MACROD2: variants seen among roughly 807,000 people sequenced by gnomAD.
MACROD2 encodes ADP-ribose glycohydrolase MACROD2.
Under a neutral mutation model 70.4 loss-of-function variants are expected in MACROD2, and 36 were observed. The observed-to-expected ratio is 0.51, with a 90% confidence interval of 0.39 to 0.68. The LOEUF is 0.68. MACROD2 is among the 30% of genes least tolerant of loss of function. The pLI, the probability that MACROD2 is intolerant of heterozygous loss-of-function variation, is 0.00. For synonymous variants in MACROD2, 172 were observed against 178.8 expected (o/e 0.96, Z 0.30); for missense variants, 496 against 538.4 (o/e 0.92, Z 0.78).
rs150409664 is a variant in MACROD2 at position 14,948,794 on chromosome 20, T to A, written c.418+263835T>A. On this transcript the variant is annotated intron_variant, in intron 5 of 17. Coordinates refer to ENST00000684519, the MANE Select transcript of MACROD2 (RefSeq NM_001351661.2). ...CAAAGGCTATGTCAAGTGCCTAGCC[T>A]AATACAGGACTTTCGCTAAGTAACA... Among the ~76,000 whole-genome samples, 51 of 152,324 alleles carry A rather than the reference T, an allele frequency of 3.3e-4. 1 individual carries two copies. The South Asian group carries it at 6.8e-3, about 20-fold the overall frequency.
intron 5 of MACROD2, among the ~76,000 whole-genome samples, chr20:14,838,988 G>A (rs892266804): frequency 3.9e-5 from 6 of 152,070 alleles, no homozygotes; most frequent in African/African-American, 1.4e-4. Context: ...GCCATATGCT[G>A]TGGGTCAGGA....
chr20:15,347,232 T>C (rs1266384900), intron 6 of MACROD2, among the ~76,000 whole-genome samples: 1 of 152,214 alleles, frequency 6.6e-6, no homozygotes, highest in African/African-American at 2.4e-5. Flanking sequence ...TTGTCCAAGA[T>C]CTTTAATGAC....
intron 8 of MACROD2, among the ~76,000 whole-genome samples, chr20:15,739,203 G>A (rs2051068524): frequency 6.6e-6 from 1 of 152,124 alleles, no homozygotes; most frequent in Non-Finnish European, 1.5e-5. Context: ...AGAAGGAGTG[G>A]ATTTGTCTGT....
intron 4 of MACROD2, among the ~76,000 whole-genome samples, chr20:14,558,025 G>T (rs6135179): frequency 0.11 from 16,343 of 151,708 alleles, 1,279 homozygotes; most frequent in South Asian, 0.34. Context: ...ATGGAAAATT[G>T]TTCATGCTTA....
intron 12 of MACROD2, among the ~76,000 whole-genome samples, chr20:15,949,309 T>C (rs931459062): frequency 5.3e-5 from 8 of 152,182 alleles, no homozygotes; most frequent in Non-Finnish European, 1.0e-4. Flanking sequence ...TGTTATTACA[T>C]TTATTTGCTG....
At chr20:14,099,659 T>G (rs563916620) in intron 3 of MACROD2, among the ~76,000 whole-genome samples, 189 of 152,264 alleles carry the variant, frequency 1.2e-3, no homozygotes, top group African/African-American at 4.4e-3. Flanking sequence ...TGTGTGGTAT[T>G]TTTGTAAATA....
chr20:14,500,087 G>C (rs1325373203), intron 4 of MACROD2, among the ~76,000 whole-genome samples: 2 of 152,196 alleles, frequency 1.3e-5, no homozygotes, highest in African/African-American at 2.4e-5. Flanking sequence ...TTTTCAGGAA[G>C]CAGAAGGTCA....
intron 4 of MACROD2, among the ~76,000 whole-genome samples, chr20:14,569,670 G>T (rs1402369972): frequency 6.6e-6 from 1 of 151,762 alleles, no homozygotes; most frequent in Non-Finnish European, 1.5e-5. Context: ...AAAGTAAAAT[G>T]GAGTTAGGTT....
At chr20:15,975,994 A>G (rs901077068) in intron 13 of MACROD2, among the ~76,000 whole-genome samples, 2 of 152,226 alleles carry the variant, frequency 1.3e-5, no homozygotes, top group African/African-American at 2.4e-5. Flanking sequence ...AGCAGCAATC[A>G]ACTTTCAAGT....
At chr20:15,993,462 GT>G (rs2066586764) in intron 15 of MACROD2, among the ~76,000 whole-genome samples, 1 of 151,886 alleles carries the variant, frequency 6.6e-6, no homozygotes, top group African/African-American at 2.4e-5. Context: ...TGCTGTATGG[GT>G]TTATAACCTA....
chr20:15,694,278 A>G (rs761636474), intron 8 of MACROD2, among the ~76,000 whole-genome samples: 4 of 152,108 alleles, frequency 2.6e-5, no homozygotes, highest in Non-Finnish European at 4.4e-5. Flanking sequence ...TTAGTTCTTT[A>G]AGGAATCTCC....
chr20:15,649,376 T>C lies in MACROD2; in HGVS notation c.645+149529T>C, dbSNP rs184238252. On this transcript the variant is annotated intron_variant, in intron 8 of 17. Coordinates refer to ENST00000684519, the MANE Select transcript of MACROD2 (RefSeq NM_001351661.2). ...TACAAAGGTATGGCTGAGCAGTCAG[T>C]TGGTAAGTTTAAAATTTCAAGAGCG... Among the ~76,000 whole-genome samples the C allele has an allele frequency of 4.1e-3, 623 of 151,816 alleles. 2 individuals are homozygous for C. The highest frequency in any genetic ancestry group is 6.2e-3 in the Non-Finnish European group (419 of 67,942).
chr20:14,549,184 C>CA (rs1160894958), intron 4 of MACROD2, among the ~76,000 whole-genome samples: 1 of 152,170 alleles, frequency 6.6e-6, no homozygotes, highest in Non-Finnish European at 1.5e-5. Context: ...AAACCACACT[C>CA]AATTTATTGG....
rs145745271 is a variant in MACROD2, at chr20:14,995,974, G to A, written c.419-233966G>A. Among the ~76,000 whole-genome samples, 10 of 152,238 alleles carry A rather than the reference G, an allele frequency of 6.6e-5. No individual in the cohort carries two copies. In the East Asian group the frequency reaches 7.7e-4, roughly 12 times the overall value. ...ATAAAGGTAAGATAAAAATTTCTGC[G>A]CTGGAAAACAAACACATAATAGAGA... On this transcript the variant is annotated intron_variant, in intron 5 of 17. Transcript: ENST00000684519.
chr20:15,486,981 C>A (rs1600482774), intron 7 of MACROD2, among the ~76,000 whole-genome samples: 1 of 152,186 alleles, frequency 6.6e-6, no homozygotes, highest in Admixed American at 6.5e-5. Flanking sequence ...CCAAGCTGGA[C>A]TCTTGGCTTC....
chr20:15,057,401 C>T (rs892830420), intron 5 of MACROD2, among the ~76,000 whole-genome samples: 1 of 152,126 alleles, frequency 6.6e-6, no homozygotes, highest in Non-Finnish European at 1.5e-5. Flanking sequence ...GCTGTCCTCC[C>T]TGTGGTCATC....
intron 5 of MACROD2, among the ~76,000 whole-genome samples, chr20:15,090,036 G>A (rs1420381867): frequency 5.9e-5 from 9 of 152,106 alleles, no homozygotes; most frequent in African/African-American, 2.2e-4. Flanking sequence ...AGATCAGTGT[G>A]TGCTGAGATG....
At chr20:14,546,613 T>A (rs1417350220) in intron 4 of MACROD2, among the ~76,000 whole-genome samples, 3 of 152,164 alleles carry the variant, frequency 2.0e-5, no homozygotes, top group Non-Finnish European at 4.4e-5. Flanking sequence ...TTTAGCCTCC[T>A]GCCTTTTTAC....
rs181805701 is a variant in MACROD2, at chr20:15,052,161, A to G, written c.419-177779A>G. Among the ~76,000 whole-genome samples the G allele has an allele frequency of 3.9e-5, 6 of 152,244 alleles. No individual in the cohort carries two copies. The South Asian group carries it at 6.2e-4, about 16-fold the overall frequency. On this transcript the variant is annotated intron_variant, in intron 5 of 17. Coordinates refer to ENST00000684519, the MANE Select transcript of MACROD2 (RefSeq NM_001351661.2). ...TGCATTCATCTGTCTTGTAATTTAC[A>G]ACACCATATTAAGGCTAGATATTTA... is the stretch of plus-strand genomic sequence containing the variant.
Sources: allele counts gnomAD v4.1 joint callset (sites outside exome capture counted in the v4.1 genomes callset), GRCh38; gene constraint gnomAD v4.1.1; transcripts MANE v1.5; gene names NCBI Gene and HGNC (gene_info 2026-07-23, HGNC 2026-07-21).